The following PTAFR variants were observed in gnomAD, a reference collection of about 807,000 sequenced individuals.
PTAFR encodes platelet activating factor receptor, also known as platelet-activating factor receptor.
Under a neutral mutation model 14.7 loss-of-function variants are expected in PTAFR, and 8 were observed. The observed-to-expected ratio is 0.54, with a 90% CI of 0.32 to 0.98. The LOEUF (loss-of-function observed/expected upper bound fraction) is 0.98, where lower values mean the gene tolerates loss of function less well. Ranked by LOEUF, PTAFR falls within the 50% of genes least tolerant of loss-of-function variation. The probability of loss-of-function intolerance (pLI) is 0.04; values close to 1 mark genes in which losing one functional copy is unlikely to be tolerated. For synonymous variants in PTAFR, 156 were observed against 176.5 expected (o/e 0.88, Z 0.92); for missense variants, 337 against 451.2 (o/e 0.75, Z 2.29).
At chr1:28,172,305 C>T (rs560925097) in intron 1 of PTAFR, among the ~76,000 whole-genome samples, 7 of 152,276 alleles carry the variant, frequency 4.6e-5, no homozygotes, top group African/African-American at 9.6e-5. Context: ...CATGAGCCAC[C>T]GCACACAGCC....
chr1:28,163,382 G>A (rs995551935), intron 1 of PTAFR, among the ~76,000 whole-genome samples: 1 of 152,148 alleles, frequency 6.6e-6, no homozygotes, highest in African/African-American at 2.4e-5. Flanking sequence ...CAATCCCAGT[G>A]TCGGGCACCG....
At chr1:28,174,689 T>C (rs1646493472) in intron 1 of PTAFR, among the ~76,000 whole-genome samples, 1 of 152,236 alleles carries the variant, frequency 6.6e-6, no homozygotes, top group Non-Finnish European at 1.5e-5. Flanking sequence ...TCATCTGTCC[T>C]GTGCATATTC....
At chr1:28,172,985 G>A (rs993570026) in intron 1 of PTAFR, among the ~76,000 whole-genome samples, 11 of 151,762 alleles carry the variant, frequency 7.2e-5, no homozygotes, top group African/African-American at 2.7e-4. Flanking sequence ...GAAAGGTAGT[G>A]CAGGCTGGGT....
chr1:28,189,629 TATAA>T (rs1178630393), intron 1 of PTAFR, among the ~76,000 whole-genome samples: 3 of 151,086 alleles, frequency 2.0e-5, no homozygotes, highest in Non-Finnish European at 4.4e-5. Flanking sequence ...AATAAATAAA[TATAA>T]ATAAACATAA....
intron 1 of PTAFR, among the ~76,000 whole-genome samples, chr1:28,154,914 T>A (rs1557686086): frequency 6.6e-6 from 1 of 151,302 alleles, no homozygotes; most frequent in Non-Finnish European, 1.5e-5. Flanking sequence ...AGTTGAGGCC[T>A]GAAGGAGGAA....
chr1:28,176,547 T>C (rs2149004294), intron 1 of PTAFR, 45 bp downstream of exon 1: 1 of 152,878 alleles, frequency 6.5e-6, no homozygotes, highest in South Asian at 2.1e-4. Context: ...AGGACATTTT[T>C]ATATGCCTCC....
In PTAFR at chr1:28,150,611, C is replaced by T. The variant is rs779619964; in HGVS notation, c.411G>A (p.Leu137=). 5.0e-6 allele frequency: 8 copies of T among 1,614,016 alleles called. No homozygotes were observed. Among genetic ancestry groups the T allele is most frequent in the Non-Finnish European group, 5.9e-6 (7 of 1,180,042 alleles). The stretch of plus-strand genomic sequence containing the variant: ...CAATGGCCACCCAGATGACCAAGGA[C>T]AAAGAGATGCCACGCTTGCGGGTGT... ...QANTRKRGIS[L]SLVIWVAIVG... The change falls in exon 2 of 2, where the codon TTG becomes TTA. Residue 137 remains leucine, a synonymous_variant. Transcript: ENST00000373857. The surrounding 1 kb of genome is among the most constrained non-coding windows in gnomAD (Gnocchi z 6.3).
rs1244680367 is a variant in PTAFR, at chr1:28,176,581, T to A, written c.-39+11A>T. Reference sequence around the variant, plus strand: ...CCCCCTTGCCCAGCAGGGGCCAGGATTCCCCCTTACCTGTAGCAGGGGCAG... The same window carrying A: ...CCCCCTTGCCCAGCAGGGGCCAGGAATCCCCCTTACCTGTAGCAGGGGCAG... On this transcript the variant is annotated intron_variant, in intron 1 of 1. Coordinates refer to ENST00000373857, the MANE Select transcript of PTAFR (RefSeq NM_000952.5). 6 of 152,744 alleles carry A rather than the reference T, an allele frequency of 3.9e-5. No homozygotes were observed. The highest frequency in any genetic ancestry group is 9.7e-5 in the African/African-American group (4 of 41,408). The allele number at this position is 152,744 out of a possible 1,614,324, so 9.5% of individuals were successfully genotyped here.
chr1:28,176,444 C>CAAAAAAAAAAAAAAAAAAAAAAA (rs532299068), intron 1 of PTAFR, 148 bp downstream of exon 1: 1 of 71,152 alleles, frequency 1.4e-5, no homozygotes, highest in African/African-American at 5.7e-5. Flanking sequence ...GACCCTGTCT[C>CAAAAAAAAAAAAAAAAAAAAAAA]AAAAAAAAAA....
chr1:28,178,565 CA>C (rs1381239693), upstream of PTAFR, among the ~76,000 whole-genome samples: 4 of 152,096 alleles, frequency 2.6e-5, no homozygotes, highest in African/African-American at 7.2e-5. Flanking sequence ...CTGGCCAGAA[CA>C]AACCACTTTT....
chr1:28,162,482 CT>C (rs1282579460), intron 1 of PTAFR, among the ~76,000 whole-genome samples: 2 of 152,128 alleles, frequency 1.3e-5, no homozygotes, highest in African/African-American at 4.8e-5. Context: ...CACCTGCAAG[CT>C]TGTTAGAAAT....
Position 28,149,279 on chromosome 1 carries a change from T to C in PTAFR, c.*714A>G, listed in dbSNP as rs1646149654. 1 of 151,284 alleles carries C rather than the reference T, an allele frequency of 6.6e-6. No homozygotes were observed. Among genetic ancestry groups the C allele is most frequent in the African/African-American group, 2.4e-5 (1 of 41,082 alleles). 9.4% of individuals were successfully genotyped at this position (151,284 alleles called of 1,614,324 possible). A position where few individuals can be genotyped will look rare whatever the true frequency, so the allele number is the denominator to read the frequency against. On this transcript the variant is annotated 3_prime_UTR_variant, in exon 2 of 2. Coordinates refer to ENST00000373857, the MANE Select transcript of PTAFR (RefSeq NM_000952.5). ...TGCCATACAGTGAGGGCAGTGTCCT[T>C]TCCTAACCCAGTCTACCTCTATCAC...
At chr1:28,186,691 G>GCATTTTTGGT (rs1288299834) in intron 1 of PTAFR, among the ~76,000 whole-genome samples, 2 of 152,154 alleles carry the variant, frequency 1.3e-5, no homozygotes, top group Non-Finnish European at 2.9e-5. Flanking sequence ...TTGGTAGGCT[G>GCATTTTTGGT]AGGCAGGCGG....
At chr1:28,189,069 G>C (rs934210591) in intron 1 of PTAFR, among the ~76,000 whole-genome samples, 36 of 151,592 alleles carry the variant, frequency 2.4e-4, no homozygotes, top group South Asian at 6.3e-4. Flanking sequence ...CCAAAAGACA[G>C]TGCAACTGCC....
intron 1 of PTAFR, among the ~76,000 whole-genome samples, chr1:28,156,961 G>A (rs981438667): frequency 3.9e-5 from 6 of 151,924 alleles, no homozygotes; most frequent in African/African-American, 1.5e-4. Context: ...TGCTACCCCC[G>A]CCCCCTTGCC....
At chr1:28,184,777 T>C (rs367955186) in intron 1 of PTAFR, among the ~76,000 whole-genome samples, 126 of 152,208 alleles carry the variant, frequency 8.3e-4, no homozygotes, top group African/African-American at 2.8e-3. Context: ...GTAGCTGGCA[T>C]TACAGGCGTG....
intron 1 of PTAFR, among the ~76,000 whole-genome samples, chr1:28,173,381 G>A (rs185149697): frequency 3.1e-4 from 47 of 151,780 alleles, no homozygotes; most frequent in African/African-American, 5.1e-4. Flanking sequence ...CAAGGCAGGC[G>A]GATTGCTTGA....
chr1:28,172,550 C>T (rs951489295), intron 1 of PTAFR, among the ~76,000 whole-genome samples: 8 of 152,326 alleles, frequency 5.3e-5, no homozygotes, highest in Admixed American at 4.6e-4. Flanking sequence ...GGTAATAAAA[C>T]CTTCCTCACG....
chr1:28,170,815 A>G (rs1646445120), intron 1 of PTAFR, among the ~76,000 whole-genome samples: 1 of 151,904 alleles, frequency 6.6e-6, no homozygotes, highest in Admixed American at 6.6e-5. Context: ...CCTGGCTAAC[A>G]CGGTAAAACC....
Sources: allele counts gnomAD v4.1 joint callset (sites outside exome capture counted in the v4.1 genomes callset), GRCh38; gene constraint gnomAD v4.1.1; non-coding constraint Gnocchi (gnomAD v3.1); transcripts MANE v1.5; gene names NCBI Gene and HGNC (gene_info 2026-07-23, HGNC 2026-07-21).